The following FBXO16 variants were observed in gnomAD, a reference collection of about 807,000 sequenced individuals.
The protein encoded by FBXO16 is F-box only protein 16.
A neutral mutation model predicts 41.0 loss-of-function variants in FBXO16; 31 were observed. That is an observed-to-expected ratio of 0.76 (90% CI 0.57 to 1.02). The LOEUF is 1.02. Among genes scored for constraint, FBXO16 ranks in the 50% least tolerant of loss-of-function variants. The pLI, the probability that FBXO16 is intolerant of heterozygous loss-of-function variation, is 0.00. For synonymous variants in FBXO16, 133 were observed against 117.8 expected (o/e 1.13, Z -0.84); for missense variants, 361 against 346.2 (o/e 1.04, Z -0.34).
At chr8:28,473,315 C>T (rs1162706505) in intron 3 of FBXO16, among the ~76,000 whole-genome samples, 1 of 152,180 alleles carries the variant, frequency 6.6e-6, no homozygotes, top group African/African-American at 2.4e-5. Context: ...AAGCTGAATT[C>T]TCTGGCCTCT....
Position 28,428,808 on chromosome 8 carries a change from T to A in FBXO16, c.870-72A>T, listed in dbSNP as rs1802565601. ...AAGGGAGCTATCTAGTTAAACTTAT[T>A]TTTAATGACATAAAACGATTTTACA... On this transcript the variant is annotated intron_variant, in intron 8 of 8. Transcript: ENST00000380254. 34 of 1,425,684 alleles carry A rather than the reference T, an allele frequency of 2.4e-5. 1 individual carries two copies. In the South Asian group the frequency reaches 5.2e-4, roughly 22 times the overall value. 88.3% of individuals were successfully genotyped at this position (1,425,684 alleles called of 1,614,324 possible).
intron 1 of FBXO16, among the ~76,000 whole-genome samples, chr8:28,487,089 C>A (rs1159520792): frequency 6.6e-6 from 1 of 152,054 alleles, no homozygotes; most frequent in African/African-American, 2.4e-5. Context: ...GTAACTCCCC[C>A]AAGCGCCTGC....
chr8:28,478,957 C>T (rs981185800), intron 2 of FBXO16, among the ~76,000 whole-genome samples: 1 of 152,014 alleles, frequency 6.6e-6, no homozygotes, highest in African/African-American at 2.4e-5. Context: ...AGTGAGTTCT[C>T]ATGAGATCTG....
chr8:28,484,850 T>C (rs1803576441), intron 1 of FBXO16, among the ~76,000 whole-genome samples: 1 of 152,058 alleles, frequency 6.6e-6, no homozygotes, highest in African/African-American at 2.4e-5. Context: ...CCCCTGGGCC[T>C]CCCAAAGTGC....
chr8:28,450,005 T>C (rs1474677855), intron 6 of FBXO16, among the ~76,000 whole-genome samples: 1 of 147,648 alleles, frequency 6.8e-6, no homozygotes, highest in Non-Finnish European at 1.5e-5. Flanking sequence ...AGAAGGGCGA[T>C]TTGCATAAAC....
At chr8:28,479,622 G>A (rs561762845) in intron 2 of FBXO16, among the ~76,000 whole-genome samples, 102 of 152,314 alleles carry the variant, frequency 6.7e-4, no homozygotes, top group African/African-American at 2.2e-3. Flanking sequence ...TTTTGGTAGG[G>A]GAAGCAGATA....
At chr8:28,450,237 C>A (rs1312663967) in intron 6 of FBXO16, among the ~76,000 whole-genome samples, 1 of 152,136 alleles carries the variant, frequency 6.6e-6, no homozygotes, top group Non-Finnish European at 1.5e-5. Flanking sequence ...GTCTTTTCAA[C>A]AATGGTGCTG....
chr8:28,474,845 T>C (rs10087762), intron 2 of FBXO16, among the ~76,000 whole-genome samples: 71,461 of 152,116 alleles, frequency 0.47, 17,684 homozygotes, highest in East Asian at 0.65. Flanking sequence ...TGAGAATGAA[T>C]ATCCTTATGG....
At position 28,455,081 on chromosome 8, in the gene FBXO16, ATT is replaced by A. The variant is rs111415524; in HGVS notation, c.507+1683_507+1684del. Reference sequence around the variant, plus strand: ...CTCTTTTATTTCATGAATTACATTGATTTTTTTTTTTTTTGAGACAGTCTTGC... The same window carrying A: ...CTCTTTTATTTCATGAATTACATTGATTTTTTTTTTTTGAGACAGTCTTGC... On this transcript the variant is annotated intron_variant, in intron 5 of 8. Transcript: ENST00000380254. 8.7e-4 allele frequency among the ~76,000 whole-genome samples: 125 copies of A among 144,458 alleles called. 1 individual carries two copies. Among genetic ancestry groups the A allele is most frequent in the Non-Finnish European group, 1.3e-3 (84 of 65,848 alleles). 94.8% of individuals were successfully genotyped at this position (144,458 alleles called of 152,430 possible). A position where few individuals can be genotyped will look rare whatever the true frequency, so the allele number is the denominator to read the frequency against.
At chr8:28,486,510 C>T (rs914818598) in intron 1 of FBXO16, among the ~76,000 whole-genome samples, 8 of 152,034 alleles carry the variant, frequency 5.3e-5, no homozygotes, top group African/African-American at 1.9e-4. Flanking sequence ...AGGCGTAAGC[C>T]ACCGCCGCGC....
chr8:28,477,905 T>C (rs1803448649), intron 2 of FBXO16, among the ~76,000 whole-genome samples: 1 of 151,916 alleles, frequency 6.6e-6, no homozygotes, highest in Non-Finnish European at 1.5e-5. Context: ...CCTAGCTACT[T>C]GGGGGAATGA....
At chr8:28,469,005 T>TA (rs890628630) in intron 3 of FBXO16, among the ~76,000 whole-genome samples, 2 of 151,928 alleles carry the variant, frequency 1.3e-5, no homozygotes, top group East Asian at 1.9e-4. Flanking sequence ...TTTTTCTAAT[T>TA]AAAAAAAAAT....
intron 7 of FBXO16, among the ~76,000 whole-genome samples, chr8:28,439,114 A>G (rs1481573731): frequency 6.6e-6 from 1 of 151,676 alleles, no homozygotes; most frequent in Non-Finnish European, 1.5e-5. Context: ...AAAAAAGAAA[A>G]GAAAAGAAAA....
intron 2 of FBXO16, among the ~76,000 whole-genome samples, chr8:28,481,565 A>T (rs1232011041): frequency 6.6e-6 from 1 of 152,026 alleles, no homozygotes; most frequent in African/African-American, 2.4e-5. Context: ...TAATCCCAGC[A>T]CTTTGGAAGG....
intron 2 of FBXO16, among the ~76,000 whole-genome samples, chr8:28,479,467 T>C (rs1266070701): frequency 6.6e-6 from 1 of 152,202 alleles, no homozygotes; most frequent in Non-Finnish European, 1.5e-5. Context: ...GCTGCTAAAT[T>C]GATCAAGACT....
chr8:28,467,026 C>T (rs1032013765), intron 3 of FBXO16, among the ~76,000 whole-genome samples: 6 of 152,034 alleles, frequency 3.9e-5, no homozygotes, highest in African/African-American at 1.4e-4. Flanking sequence ...ACTACAGCCT[C>T]GATCTCCTGG....
intron 7 of FBXO16, among the ~76,000 whole-genome samples, chr8:28,445,858 T>C (rs537810807): frequency 7.9e-5 from 12 of 152,024 alleles, no homozygotes; most frequent in African/African-American, 2.9e-4. Context: ...TACGTACTTA[T>C]TCCTCTCCCA....
chr8:28,435,337 A>AT (rs1164759356), intron 7 of FBXO16, among the ~76,000 whole-genome samples: 6 of 151,698 alleles, frequency 4.0e-5, no homozygotes, highest in South Asian at 4.2e-4. Flanking sequence ...TACCCAGCTA[A>AT]TTTTTTTTGT....
chr8:28,459,797 T>A (rs1363884662), intron 4 of FBXO16, among the ~76,000 whole-genome samples: 1 of 151,804 alleles, frequency 6.6e-6, no homozygotes, highest in Non-Finnish European at 1.5e-5. Flanking sequence ...GAGGCCAAGG[T>A]GAGCAGATCA....
Sources: allele counts gnomAD v4.1 joint callset (sites outside exome capture counted in the v4.1 genomes callset), GRCh38; gene constraint gnomAD v4.1.1; transcripts MANE v1.5; gene names NCBI Gene and HGNC (gene_info 2026-07-23, HGNC 2026-07-21).